PROS1: variants seen among roughly 807,000 people sequenced by gnomAD.
PROS1 encodes vitamin K-dependent protein S.
Under a neutral mutation model 75.9 loss-of-function variants are expected in PROS1, and 29 were observed. That is an observed-to-expected ratio of 0.38 (90% CI 0.28 to 0.52). The LOEUF (loss-of-function observed/expected upper bound fraction) is 0.52. Among genes scored for constraint, PROS1 ranks in the 20% least tolerant of loss-of-function variants. The pLI is 0.83. For synonymous variants in PROS1, 245 were observed against 280.6 expected (o/e 0.87, Z 1.27); for missense variants, 680 against 810.3 (o/e 0.84, Z 1.95).
At chr3:93,912,005 C>T (rs1372597800) in intron 3 of PROS1, among the ~76,000 whole-genome samples, 1 of 152,156 alleles carries the variant, frequency 6.6e-6, no homozygotes, top group Non-Finnish European at 1.5e-5. Context: ...CATTTGAAGT[C>T]AGTATGTGTT....
chr3:93,947,521 T>C (rs1420455324), intron 1 of PROS1, among the ~76,000 whole-genome samples: 1 of 151,968 alleles, frequency 6.6e-6, no homozygotes, highest in Non-Finnish European at 1.5e-5. Flanking sequence ...CCAAATTTCA[T>C]CTCACTTAAA....
At chr3:93,881,705 G>C (rs1463153205) in intron 12 of PROS1, among the ~76,000 whole-genome samples, 2 of 151,938 alleles carry the variant, frequency 1.3e-5, no homozygotes, top group East Asian at 3.9e-4. Flanking sequence ...GACTACAGGT[G>C]CATGCCATCA....
intron 10 of PROS1, among the ~76,000 whole-genome samples, chr3:93,891,702 G>A (rs1012892510): frequency 2.0e-5 from 3 of 151,948 alleles, no homozygotes; most frequent in Non-Finnish European, 4.4e-5. Flanking sequence ...GAGCCACTGC[G>A]CCCAGCCTAA....
chr3:93,918,497 G>A (rs1339706533), intron 3 of PROS1, among the ~76,000 whole-genome samples: 1 of 152,074 alleles, frequency 6.6e-6, no homozygotes, highest in African/African-American at 2.4e-5. Flanking sequence ...AAGGTCCGAA[G>A]CTTCACTCCT....
chr3:93,931,756 A>G (rs1709109382), intron 1 of PROS1, among the ~76,000 whole-genome samples: 1 of 152,144 alleles, frequency 6.6e-6, no homozygotes, highest in Non-Finnish European at 1.5e-5. Context: ...CACCACTTTC[A>G]GCCAAAGAAC....
At chr3:93,923,826 A>AG (rs1339265297) in intron 3 of PROS1, among the ~76,000 whole-genome samples, 4 of 151,932 alleles carry the variant, frequency 2.6e-5, no homozygotes, top group African/African-American at 9.7e-5. Context: ...CACTTGAACC[A>AG]GGGAGACAGA....
At chr3:93,906,429 G>C (rs548127578) in intron 4 of PROS1, among the ~76,000 whole-genome samples, 1 of 152,342 alleles carries the variant, frequency 6.6e-6, no homozygotes, top group African/African-American at 2.4e-5. Context: ...CCACTCCACA[G>C]AGCAGATAGG....
chr3:93,970,139 ATAGT>A (rs1260989457), intron 1 of PROS1, among the ~76,000 whole-genome samples: 1 of 152,154 alleles, frequency 6.6e-6, no homozygotes, highest in Non-Finnish European at 1.5e-5. Flanking sequence ...AGTAAAAGGA[ATAGT>A]TAGAGAAAGA....
chr3:93,878,616 G>A (rs1708226582), intron 13 of PROS1, among the ~76,000 whole-genome samples: 3 of 152,020 alleles, frequency 2.0e-5, no homozygotes, highest in Admixed American at 1.3e-4. Flanking sequence ...AGGCTTTTTC[G>A]TGTTCTTCCT....
intron 7 of PROS1, among the ~76,000 whole-genome samples, chr3:93,899,459 AAG>A (rs1224796719): frequency 8.5e-5 from 13 of 152,168 alleles, no homozygotes; most frequent in African/African-American, 3.1e-4. Context: ...AGTTATAGAT[AAG>A]AGTCATATAT....
At chr3:93,946,985 G>A (rs1238488991) in intron 1 of PROS1, among the ~76,000 whole-genome samples, 6 of 151,954 alleles carry the variant, frequency 3.9e-5, no homozygotes, top group Non-Finnish European at 2.9e-5. Context: ...AAATCAAACA[G>A]CTCTATCAAA....
intron 1 of PROS1, among the ~76,000 whole-genome samples, chr3:93,962,656 A>T (rs995400453): frequency 1.3e-5 from 2 of 152,178 alleles, no homozygotes; most frequent in African/African-American, 4.8e-5. Flanking sequence ...AAGTCAGCTG[A>T]TAAGCAGAAT....
intron 10 of PROS1, among the ~76,000 whole-genome samples, chr3:93,892,615 ACT>A (rs1272209262): frequency 6.6e-6 from 1 of 150,648 alleles, no homozygotes; most frequent in Non-Finnish European, 1.5e-5. Flanking sequence ...CAAGAGCAAA[ACT>A]CTGTCTCAAA....
At chr3:93,908,777 A>G (rs906554544) in intron 4 of PROS1, among the ~76,000 whole-genome samples, 1 of 152,248 alleles carries the variant, frequency 6.6e-6, no homozygotes, top group African/African-American at 2.4e-5. Flanking sequence ...AGAGCTTAAA[A>G]TCAAACCTCA....
intron 12 of PROS1, among the ~76,000 whole-genome samples, chr3:93,883,013 A>G (rs1708294487): frequency 6.6e-6 from 1 of 152,208 alleles, no homozygotes; most frequent in South Asian, 2.1e-4. Context: ...AAGAAAACAT[A>G]TTGAGTCCTG....
Position 93,896,781 on chromosome 3 carries a change from G to T in PROS1, c.850-90C>A, listed in dbSNP as rs1466929476. 9.8e-6 allele frequency: 9 copies of T among 914,944 alleles called. No homozygotes were observed. In the East Asian group the frequency reaches 1.9e-4, roughly 20 times the overall value. 56.7% of individuals were successfully genotyped at this position (914,944 alleles called of 1,614,324 possible). On this transcript the variant is annotated intron_variant, in intron 8 of 14. Coordinates refer to ENST00000394236, the MANE Select transcript of PROS1 (RefSeq NM_000313.4). ...TGTGTGAGGTCATGCATTTTTGTTTGGTTACTAATGTATCATCTGTAATAC... is the reference window on the plus strand; with the variant it reads ...TGTGTGAGGTCATGCATTTTTGTTTTGTTACTAATGTATCATCTGTAATAC...
At chr3:93,968,656 G>A (rs544705800) in intron 1 of PROS1, among the ~76,000 whole-genome samples, 14 of 152,138 alleles carry the variant, frequency 9.2e-5, no homozygotes, top group African/African-American at 2.6e-4. Flanking sequence ...TTCACTAGGG[G>A]ATCTAACATA....
intron 12 of PROS1, among the ~76,000 whole-genome samples, chr3:93,883,130 C>A (rs1708296281): frequency 6.6e-6 from 1 of 152,256 alleles, no homozygotes; most frequent in South Asian, 2.1e-4. Context: ...TGAATTTGTA[C>A]GACAACAACA....
intron 7 of PROS1, among the ~76,000 whole-genome samples, chr3:93,899,357 A>C (rs1390151394): frequency 1.3e-5 from 2 of 152,140 alleles, no homozygotes; most frequent in Non-Finnish European, 2.9e-5. Flanking sequence ...CCACAAGCTC[A>C]TAAATGCTAT....
Sources: allele counts gnomAD v4.1 joint callset (sites outside exome capture counted in the v4.1 genomes callset), GRCh38; gene constraint gnomAD v4.1.1; transcripts MANE v1.5; gene names NCBI Gene and HGNC (gene_info 2026-07-23, HGNC 2026-07-21).